Variants in RABGAP1L observed in about 807,000 individuals in gnomAD.
RABGAP1L encodes rab GTPase-activating protein 1-like.
RABGAP1L carries 63 observed loss-of-function variants against 137.7 expected under a neutral mutation model. The ratio of observed to expected loss-of-function variants is 0.46; its 90% CI spans 0.37 to 0.56. RABGAP1L has a LOEUF of 0.56. Ranked by LOEUF, RABGAP1L falls within the 20% of genes least tolerant of loss-of-function variation. The pLI, the probability that RABGAP1L is intolerant of heterozygous loss-of-function variation, is 0.00. For synonymous variants in RABGAP1L, 431 were observed against 433.7 expected, an observed-to-expected ratio of 0.99 and a Z score of 0.08; for missense variants, 1,095 against 1,244.0, an observed-to-expected ratio of 0.88 and a Z score of 1.80.
At chr1:174,865,480 A>G (rs931975673) in intron 19 of RABGAP1L, among the ~76,000 whole-genome samples, 1 of 152,206 alleles carries the variant, frequency 6.6e-6, no homozygotes, top group Non-Finnish European at 1.5e-5. Flanking sequence ...TCTTGCAGAG[A>G]GGCTTTGGGC....
rs556378750 is a variant in RABGAP1L, at chr1:174,875,373, T to C, written c.2340+63413T>C. On this transcript the variant is annotated intron_variant, in intron 19 of 25. Coordinates refer to ENST00000681986, the MANE Select transcript of RABGAP1L (RefSeq NM_001366446.1). The stretch of plus-strand genomic sequence containing the variant: ...TCTTCGTAACCAAGAAGATTACCTA[T>C]GGTTACGCTGAATGCACTCTCCCAG... 2.0e-4 allele frequency: 40 copies of C among 202,770 alleles called. No individual in the cohort carries two copies. In the South Asian group the frequency reaches 6.7e-3, roughly 34 times the overall value. 12.6% of individuals were successfully genotyped at this position (202,770 alleles called of 1,614,324 possible).
intron 13 of RABGAP1L, among the ~76,000 whole-genome samples, chr1:174,627,923 T>A (rs1042670597): frequency 2.0e-5 from 3 of 152,192 alleles, no homozygotes; most frequent in African/African-American, 2.4e-5. Flanking sequence ...AGGAGGCATA[T>A]ACTTGTGATA....
intron 19 of RABGAP1L, among the ~76,000 whole-genome samples, chr1:174,931,990 GTTTTTTTTTTTT>G (rs532860564): frequency 5.7e-5 from 4 of 69,648 alleles, no homozygotes; most frequent in South Asian, 6.3e-4. Context: ...TGCTTTTTTG[GTTTTTTTTTTTT>G]TTTTTTTTTT....
chr1:174,832,980 A>G (rs1185285549), intron 19 of RABGAP1L, among the ~76,000 whole-genome samples: 1 of 152,216 alleles, frequency 6.6e-6, no homozygotes, highest in African/African-American at 2.4e-5. Flanking sequence ...TATAGATCAG[A>G]AAACAGGCCT....
chr1:174,436,733 G>GGGTTTTAGA lies in RABGAP1L; in HGVS notation c.1710+42588_1710+42589insGGTTTTAGA, dbSNP rs1653370689. Among the ~76,000 whole-genome samples, 5 of 152,230 alleles carry GGGTTTTAGA rather than the reference G, an allele frequency of 3.3e-5. No individual in the cohort carries two copies. The South Asian group carries it at 1.0e-3, about 32-fold the overall frequency. On this transcript the variant is annotated intron_variant, in intron 13 of 25. Transcript: ENST00000681986. ...TTTTAGACATGAAGTCCTTGTCCAT[G>GGGTTTTAGA]CCTATGCTTGAGATCTCAGAATGGG...
chr1:174,276,803 G>T (rs548831371), intron 9 of RABGAP1L, among the ~76,000 whole-genome samples: 6 of 151,782 alleles, frequency 4.0e-5, no homozygotes, highest in African/African-American at 1.5e-4. Context: ...CACATTTTTC[G>T]TTGTTCCATT....
At position 174,763,583 on chromosome 1, in the gene RABGAP1L, G is replaced by A. The variant is rs192448325; in HGVS notation, c.2211+11229G>A. Among the ~76,000 whole-genome samples the A allele has an allele frequency of 9.3e-3, 1,357 of 145,638 alleles. 23 individuals are homozygous for A. Among genetic ancestry groups the A allele is most frequent in the African/African-American group, 0.033 (1,300 of 39,518 alleles). ...GGAGAATGGCGTGAACCTGGGAGGC[G>A]GAGCTTGCAGTGAGCCAAGATCGCG... On this transcript the variant is annotated intron_variant, in intron 18 of 25. Transcript: ENST00000681986.
intron 13 of RABGAP1L, among the ~76,000 whole-genome samples, chr1:174,612,733 A>C (rs977559737): frequency 2.0e-4 from 30 of 152,122 alleles, no homozygotes; most frequent in Non-Finnish European, 3.1e-4. Flanking sequence ...ACAATTTCAG[A>C]GCCTGTTATT....
At chr1:174,401,598 T>C (rs1648590304) in intron 13 of RABGAP1L, among the ~76,000 whole-genome samples, 1 of 152,130 alleles carries the variant, frequency 6.6e-6, no homozygotes, top group Non-Finnish European at 1.5e-5. Flanking sequence ...AAACAGGAAG[T>C]GTGTAGCACC....
At chr1:174,424,299 G>C (rs927618597) in intron 13 of RABGAP1L, among the ~76,000 whole-genome samples, 2 of 152,004 alleles carry the variant, frequency 1.3e-5, no homozygotes, top group Non-Finnish European at 2.9e-5. Context: ...TGTGCCTTTA[G>C]CTTAAGTAGA....
intron 14 of RABGAP1L, among the ~76,000 whole-genome samples, chr1:174,672,876 T>G (rs965761794): frequency 9.9e-5 from 15 of 152,176 alleles, no homozygotes; most frequent in Non-Finnish European, 1.8e-4. Context: ...GCCTTGAGAA[T>G]ATACTTATCA....
At chr1:174,690,661 AT>A (rs1678803870) in intron 15 of RABGAP1L, among the ~76,000 whole-genome samples, 1 of 152,166 alleles carries the variant, frequency 6.6e-6, no homozygotes, top group African/African-American at 2.4e-5. Context: ...CAGTGATAGA[AT>A]TTTATGGCTT....
At chr1:174,251,383 A>G (rs1375326862) in intron 6 of RABGAP1L, among the ~76,000 whole-genome samples, 1 of 150,520 alleles carries the variant, frequency 6.6e-6, no homozygotes, top group Non-Finnish European at 1.5e-5. Flanking sequence ...TTGTACATTT[A>G]GAATGTTTTC....
At chr1:174,769,052 G>A (rs181840998) in intron 18 of RABGAP1L, among the ~76,000 whole-genome samples, 1 of 152,222 alleles carries the variant, frequency 6.6e-6, no homozygotes, top group East Asian at 1.9e-4. Flanking sequence ...CCACCTGACA[G>A]GTGCTTCCTG....
At chr1:174,204,550 A>G (rs1668365431) in intron 1 of RABGAP1L, among the ~76,000 whole-genome samples, 1 of 152,168 alleles carries the variant, frequency 6.6e-6, no homozygotes, top group South Asian at 2.1e-4. Context: ...TGGGTTTGTC[A>G]TAGATGGCTT....
chr1:174,483,664 T>G (rs1039285063), intron 13 of RABGAP1L, among the ~76,000 whole-genome samples: 1 of 152,056 alleles, frequency 6.6e-6, no homozygotes, highest in Non-Finnish European at 1.5e-5. Flanking sequence ...TCGTCTCTAC[T>G]AAAAATACAA....
At chr1:174,736,732 A>G (rs919272471) in intron 17 of RABGAP1L, among the ~76,000 whole-genome samples, 12 of 152,240 alleles carry the variant, frequency 7.9e-5, no homozygotes, top group Admixed American at 7.8e-4. Context: ...TCTGCCAAGC[A>G]TCCTTCATGC....
chr1:174,266,152 T>C (rs1674051019), intron 7 of RABGAP1L, among the ~76,000 whole-genome samples: 1 of 152,214 alleles, frequency 6.6e-6, no homozygotes, highest in Non-Finnish European at 1.5e-5. Context: ...TACAGTGATC[T>C]TGGTCAAGTT....
chr1:174,800,232 TC>T (rs1408312595), intron 18 of RABGAP1L: 8 of 1,434,106 alleles, frequency 5.6e-6, no homozygotes, highest in Non-Finnish European at 7.3e-6. Flanking sequence ...GGCTTGTACG[TC>T]CTCCCAGGGA....
Sources: gnomAD v4.1 joint callset for allele counts (sites outside exome capture counted in the v4.1 genomes callset) on GRCh38, gnomAD v4.1.1 for gene constraint, MANE v1.5 for transcripts, NCBI Gene and HGNC (gene_info 2026-07-23, HGNC 2026-07-21) for gene names.